RBFOX1: variants seen among roughly 807,000 people sequenced by gnomAD.
RBFOX1 encodes RNA binding protein fox-1 homolog 1.
In RBFOX1, 8 loss-of-function variants were observed where a neutral mutation model predicts 57.7. That is an observed-to-expected ratio of 0.14 (90% CI 0.08 to 0.25). The LOEUF (loss-of-function observed/expected upper bound fraction) is 0.25, where lower values mean the gene tolerates loss of function less well. Among genes scored for constraint, RBFOX1 ranks in the 10% least tolerant of loss-of-function variants. RBFOX1 has a pLI of 1.00. For missense variants in RBFOX1, 611 were observed against 548.5 expected (o/e 1.11, Z -1.14); for synonymous variants, 326 against 222.4 (o/e 1.47, Z -4.15).
rs148420029 is a variant in RBFOX1, at chr16:6,801,324, C to G, written c.-16+146674C>G. ...AATGGGATCTACAGTTGAGAGAGAA[C>G]CATACAAGGCTCTTGGTAATGGTCA... On this transcript the variant is annotated intron_variant, in intron 3 of 15. Transcript: ENST00000550418. Among the ~76,000 whole-genome samples, 11 of 152,030 alleles carry G rather than the reference C, an allele frequency of 7.2e-5. No individual in the cohort carries two copies. In the South Asian group the frequency reaches 2.3e-3, roughly 32 times the overall value.
chr16:7,559,085 A>G lies in RBFOX1; in HGVS notation c.271-20692A>G, dbSNP rs1013559958. Among the ~76,000 whole-genome samples, 4 of 152,228 alleles carry G rather than the reference A, an allele frequency of 2.6e-5. No individual in the cohort carries two copies. The East Asian group carries it at 7.7e-4, about 29-fold the overall frequency. On this transcript the variant is annotated intron_variant, in intron 5 of 15. Transcript: ENST00000550418. ...CTATTTCCCTTGCAGCCAGCATAGG[A>G]GAAAGGTTCAGAGGCCTTTCCTGAA...
chr16:6,925,439 C>A (rs150193113), intron 3 of RBFOX1, among the ~76,000 whole-genome samples: 1 of 146,402 alleles, frequency 6.8e-6, no homozygotes, highest in South Asian at 2.3e-4. Context: ...CTTTTTAATG[C>A]GACTAATGGA....
At chr16:6,945,225 G>C (rs1030034935) in intron 3 of RBFOX1, among the ~76,000 whole-genome samples, 1 of 152,222 alleles carries the variant, frequency 6.6e-6, no homozygotes, top group South Asian at 2.1e-4. Flanking sequence ...TTCCAGCTCA[G>C]CCACTTAATC....
At chr16:7,084,340 G>C (rs963184351) in intron 4 of RBFOX1, among the ~76,000 whole-genome samples, 7 of 152,014 alleles carry the variant, frequency 4.6e-5, no homozygotes, top group African/African-American at 1.7e-4. Context: ...GTGGAGGAGG[G>C]AAGAAAGAAA....
intron 1 of RBFOX1, among the ~76,000 whole-genome samples, chr16:5,373,089 G>C (rs1254963290): frequency 6.6e-6 from 1 of 152,230 alleles, no homozygotes; most frequent in Non-Finnish European, 1.5e-5. Flanking sequence ...ACCCACAGAA[G>C]GCAGTGTGGA....
chr16:7,153,123 A>G (rs956444952), intron 4 of RBFOX1, among the ~76,000 whole-genome samples: 9 of 152,180 alleles, frequency 5.9e-5, no homozygotes, highest in African/African-American at 1.7e-4. Context: ...GCTGGAGAGA[A>G]AAATTAAAGC....
At chr16:7,477,510 A>G (rs1356481852) in intron 4 of RBFOX1, among the ~76,000 whole-genome samples, 1 of 152,108 alleles carries the variant, frequency 6.6e-6, no homozygotes, top group East Asian at 1.9e-4. Flanking sequence ...CTGCCCCCTG[A>G]ATATTATTGC....
chr16:7,160,137 A>G (rs867460257), intron 4 of RBFOX1, among the ~76,000 whole-genome samples: 6 of 152,238 alleles, frequency 3.9e-5, no homozygotes, highest in Admixed American at 1.3e-4. Context: ...ATAATTTTCA[A>G]TTGTTTCAAA....
chr16:6,694,633 T>A (rs1286790182), intron 3 of RBFOX1, among the ~76,000 whole-genome samples: 1 of 152,176 alleles, frequency 6.6e-6, no homozygotes, highest in Non-Finnish European at 1.5e-5. Context: ...TGCCTTACAC[T>A]GTGTTGGTCT....
At chr16:6,547,539 A>G (rs2096913265) in intron 2 of RBFOX1, among the ~76,000 whole-genome samples, 1 of 152,172 alleles carries the variant, frequency 6.6e-6, no homozygotes, top group African/African-American at 2.4e-5. Flanking sequence ...TTATTGAGAT[A>G]TTCATGAAAT....
chr16:6,892,078 C>T (rs74008408), intron 3 of RBFOX1, among the ~76,000 whole-genome samples: 2,840 of 152,112 alleles, frequency 0.019, 76 homozygotes, highest in African/African-American at 0.064. Flanking sequence ...GACATAGATC[C>T]CATTTCTTAG....
intron 2 of RBFOX1, among the ~76,000 whole-genome samples, chr16:6,429,515 T>C (rs2094018601): frequency 6.6e-6 from 1 of 152,254 alleles, no homozygotes; most frequent in Non-Finnish European, 1.5e-5. Context: ...TTTGTCTGTT[T>C]GTTCCTTGTT....
rs369472003 is a variant in RBFOX1, at chr16:6,383,524, C to T, written c.-64+66467C>T. On this transcript the variant is annotated intron_variant, in intron 2 of 15. Transcript: ENST00000550418. ...ACACAGTGGCTCATGCCTGTAATGC[C>T]AGTATTTTGGGAGGCTGAGGTGGGC... 4.6e-5 allele frequency among the ~76,000 whole-genome samples: 7 copies of T among 152,236 alleles called. No homozygotes were observed. The South Asian group carries it at 1.5e-3, about 32-fold the overall frequency.
At chr16:6,344,759 C>T (rs1256261152) in intron 2 of RBFOX1, among the ~76,000 whole-genome samples, 7 of 138,582 alleles carry the variant, frequency 5.1e-5, no homozygotes, top group East Asian at 2.1e-4. Flanking sequence ...GATATGATCT[C>T]GGCTTACTGC....
intron 3 of RBFOX1, among the ~76,000 whole-genome samples, chr16:5,642,583 A>G (rs941180298): frequency 6.6e-6 from 1 of 152,128 alleles, no homozygotes; most frequent in Non-Finnish European, 1.5e-5. Context: ...GTGATTGGAG[A>G]TTGTGCAAAC....
intron 4 of RBFOX1, chr16:7,431,345 G>T (rs753532767): frequency 6.6e-6 from 1 of 152,138 alleles, no homozygotes; most frequent in African/African-American, 2.4e-5. Context: ...TCCTGCCTCA[G>T]CCTCCTAAGT....
chr16:7,168,620 A>G (rs770357712), intron 4 of RBFOX1, among the ~76,000 whole-genome samples: 1 of 152,184 alleles, frequency 6.6e-6, no homozygotes, highest in Non-Finnish European at 1.5e-5. Flanking sequence ...CAGTGGAAGC[A>G]ATTTTTATGT....
chr16:5,327,351 G>T lies in RBFOX1; in HGVS notation c.219+87246G>T, dbSNP rs116840526. 7.7e-3 allele frequency among the ~76,000 whole-genome samples: 1,177 copies of T among 152,234 alleles called. 18 individuals carry two copies. Among genetic ancestry groups the T allele is most frequent in the African/African-American group, 0.027 (1,119 of 41,528 alleles). On this transcript the variant is annotated intron_variant, in intron 1 of 2. Coordinates refer to the RBFOX1 transcript ENST00000585867. ...ATCTGTGTAGCCCACAAACTTCCCT[G>T]GTAATTGTGAAGCACCCTGAAGTTT...
At chr16:5,909,243 C>T (rs943861028) in intron 4 of RBFOX1, among the ~76,000 whole-genome samples, 2 of 151,812 alleles carry the variant, frequency 1.3e-5, no homozygotes, top group Non-Finnish European at 2.9e-5. Flanking sequence ...CAGGCACCCA[C>T]CACCACGCCT....
Sources: allele counts gnomAD v4.1 joint callset (sites outside exome capture counted in the v4.1 genomes callset), GRCh38; gene constraint gnomAD v4.1.1; transcripts MANE v1.5; gene names NCBI Gene and HGNC (gene_info 2026-07-23, HGNC 2026-07-21).